Variants in CA8 observed in about 807,000 individuals in gnomAD.
The protein encoded by CA8 is carbonic anhydrase 8 (inactive).
A neutral mutation model predicts 41.4 loss-of-function variants in CA8; 22 were observed. That is an observed-to-expected ratio of 0.53 (90% CI 0.38 to 0.76). CA8 has a LOEUF of 0.76. CA8 is among the 30% of genes least tolerant of loss of function. CA8 has a pLI of 0.00. For synonymous variants in CA8, 121 were observed against 130.6 expected (o/e 0.93, Z 0.50); for missense variants, 270 against 352.8 (o/e 0.77, Z 1.88).
intron 7 of CA8, among the ~76,000 whole-genome samples, chr8:60,221,385 A>G (rs1485509829): frequency 6.6e-6 from 1 of 152,220 alleles, no homozygotes; most frequent in African/African-American, 2.4e-5. Flanking sequence ...GTGTCCAGTT[A>G]GCATTCAGGA....
intron 7 of CA8, among the ~76,000 whole-genome samples, chr8:60,210,425 T>C (rs926856471): frequency 3.9e-5 from 6 of 152,096 alleles, no homozygotes; most frequent in Non-Finnish European, 8.8e-5. Flanking sequence ...TATAGAGACT[T>C]TAGGGGGCCC....
intron 3 of CA8, among the ~76,000 whole-genome samples, chr8:60,237,199 C>G (rs192946233): frequency 6.6e-6 from 1 of 152,350 alleles, no homozygotes; most frequent in East Asian, 1.9e-4. Context: ...CTGTGAACTT[C>G]ACTAGTCACT....
At chr8:60,240,981 A>C (rs147855355) in intron 3 of CA8, among the ~76,000 whole-genome samples, 2 of 149,600 alleles carry the variant, frequency 1.3e-5, no homozygotes, top group East Asian at 3.9e-4. Flanking sequence ...AAGGAAACAG[A>C]AAGTAGAACA....
At chr8:60,203,568 T>C (rs781141049) in intron 8 of CA8, among the ~76,000 whole-genome samples, 2 of 152,182 alleles carry the variant, frequency 1.3e-5, no homozygotes, top group Non-Finnish European at 2.9e-5. Flanking sequence ...TTTTTAATCA[T>C]AATGAAATGC....
chr8:60,275,435 C>T (rs1804199695), intron 2 of CA8, among the ~76,000 whole-genome samples: 1 of 151,114 alleles, frequency 6.6e-6, no homozygotes, highest in African/African-American at 2.4e-5. Flanking sequence ...ATCATACATT[C>T]ATGAAATAAA....
At position 60,281,302 on chromosome 8, in the gene CA8, G is replaced by A; in HGVS notation, c.-155C>T. ...AGCGCCTCCGGGTGTGAACCGCAGT[G>A]TGAGTGCAAGCAGGCGTGCGTTCGG... is the stretch of plus-strand genomic sequence containing the variant. On this transcript the variant is annotated 5_prime_UTR_variant, in exon 1 of 9. Transcript: ENST00000317995. 3.1e-6 allele frequency: 2 copies of A among 636,526 alleles called. No homozygotes were observed. The highest frequency in any genetic ancestry group is 2.8e-6 in the Non-Finnish European group (1 of 357,488). The allele number at this position is 636,526 out of a possible 1,614,324, so 39.4% of individuals were successfully genotyped here.
intron 3 of CA8, among the ~76,000 whole-genome samples, chr8:60,242,492 G>A (rs915684660): frequency 2.2e-4 from 33 of 152,198 alleles, no homozygotes; most frequent in African/African-American, 6.8e-4. Context: ...AGACAGAGCG[G>A]GGTACACTGC....
chr8:60,228,169 T>C (rs1167386086), intron 4 of CA8, among the ~76,000 whole-genome samples: 1 of 152,322 alleles, frequency 6.6e-6, no homozygotes, highest in African/African-American at 2.4e-5. Flanking sequence ...CTACCTAAGA[T>C]AGGCCAGTCA....
intron 3 of CA8, among the ~76,000 whole-genome samples, chr8:60,261,465 A>T (rs1384909081): frequency 1.3e-5 from 2 of 152,214 alleles, no homozygotes; most frequent in African/African-American, 4.8e-5. Context: ...CAAGAAAGTC[A>T]GGTTCCCCAT....
At chr8:60,279,626 A>G in intron 2 of CA8, 63 bp downstream of exon 2, 1 of 1,358,156 alleles carries the variant, frequency 7.4e-7, no homozygotes, top group South Asian at 1.2e-5. Flanking sequence ...GTTAAATCAC[A>G]GTTCAATAAC....
rs1360363753 is a variant in CA8 at position 60,279,774 on chromosome 8, G to C, written c.207C>G (p.Arg69=). 4.3e-6 allele frequency: 7 copies of C among 1,614,042 alleles called. No individual in the cohort carries two copies. In the African/African-American group the frequency reaches 9.3e-5, roughly 22 times the overall value. The change falls in exon 2 of 9, where the codon CGC becomes CGG. Residue 69 remains arginine, a synonymous_variant. Coordinates refer to ENST00000317995, the MANE Select transcript of CA8 (RefSeq NM_004056.6). ...GGCACACCACATAATTTGGGGAGAGGCGGACATCCAACAGCGAGGGGTCAT... is the reference window on the plus strand; with the variant it reads ...GGCACACCACATAATTTGGGGAGAGCCGGACATCCAACAGCGAGGGGTCAT... The part of the protein sequence containing the change: ...ARYDPSLLDV[R]LSPNYVVCRD...
intron 3 of CA8, among the ~76,000 whole-genome samples, chr8:60,234,094 T>A (rs1277427088): frequency 6.6e-6 from 1 of 152,182 alleles, no homozygotes; most frequent in Non-Finnish European, 1.5e-5. Flanking sequence ...ATAGGGTGTA[T>A]GTATCCCTAT....
At chr8:60,271,091 C>G (rs982154020) in intron 2 of CA8, among the ~76,000 whole-genome samples, 6 of 152,082 alleles carry the variant, frequency 3.9e-5, no homozygotes, top group African/African-American at 1.4e-4. Context: ...ACCTGTAATC[C>G]CGGTTCTAAG....
At chr8:60,248,039 C>T (rs576771381) in intron 3 of CA8, among the ~76,000 whole-genome samples, 15 of 150,960 alleles carry the variant, frequency 9.9e-5, no homozygotes, top group Admixed American at 2.0e-4. Flanking sequence ...GTTTGTTGGT[C>T]GCATAAATGT....
rs1385316238 is a variant in CA8 at position 60,237,551 on chromosome 8, T to C, written c.418-5172A>G. Among the ~76,000 whole-genome samples, 4 of 152,218 alleles carry C rather than the reference T, an allele frequency of 2.6e-5. No homozygotes were observed. The East Asian group carries it at 7.7e-4, about 29-fold the overall frequency. ...CCTCCAGGGTCCACTGGACTAAAGA[T>C]GGCTCCAGGCAGGACCCTGCCCCAC... On this transcript the variant is annotated intron_variant, in intron 3 of 8. Transcript: ENST00000317995.
intron 8 of CA8, among the ~76,000 whole-genome samples, chr8:60,198,408 A>C (rs1037191405): frequency 1.2e-4 from 18 of 152,320 alleles, no homozygotes; most frequent in Admixed American, 2.0e-4. Flanking sequence ...TCAAAACTCA[A>C]GGATAAATCA....
intron 7 of CA8, among the ~76,000 whole-genome samples, chr8:60,215,277 T>G (rs1406031110): frequency 3.3e-5 from 5 of 152,092 alleles, no homozygotes; most frequent in Admixed American, 3.3e-4. Flanking sequence ...GCTTAGACGG[T>G]TGTTTATATT....
Position 60,188,007 on chromosome 8 carries a change from C to G in CA8, c.*2014G>C, listed in dbSNP as rs1020074416. Reference sequence around the variant, plus strand: ...TATAAACAGTATTCATATTCTGAATCTGAGGTAACTAACTGTGGAATTAAA... The same window carrying G: ...TATAAACAGTATTCATATTCTGAATGTGAGGTAACTAACTGTGGAATTAAA... On this transcript the variant is annotated 3_prime_UTR_variant, in exon 9 of 9. Transcript: ENST00000317995. 4 of 152,164 alleles carry G rather than the reference C, an allele frequency of 2.6e-5. No homozygotes were observed. The highest frequency in any genetic ancestry group is 5.9e-5 in the Non-Finnish European group (4 of 68,032). 9.4% of individuals were successfully genotyped at this position (152,164 alleles called of 1,614,324 possible). A position where few individuals can be genotyped will look rare whatever the true frequency, so the allele number is the denominator to read the frequency against.
At chr8:60,191,529 A>C (rs1257592482) in intron 8 of CA8, among the ~76,000 whole-genome samples, 2 of 152,164 alleles carry the variant, frequency 1.3e-5, no homozygotes, top group Middle Eastern at 3.2e-3. Flanking sequence ...TCTTTAATTC[A>C]AAGCCATTTC....
Sources: allele counts gnomAD v4.1 joint callset (sites outside exome capture counted in the v4.1 genomes callset), GRCh38; gene constraint gnomAD v4.1.1; transcripts MANE v1.5; gene names NCBI Gene and HGNC (gene_info 2026-07-23, HGNC 2026-07-21).